Variants in DNAJB12 observed in about 807,000 individuals in gnomAD.
DNAJB12 encodes the protein dnaJ homolog subfamily B member 12.
A neutral mutation model predicts 40.6 loss-of-function variants in DNAJB12; 14 were observed. The observed-to-expected ratio is 0.34, with a 90% CI of 0.23 to 0.54. The LOEUF (loss-of-function observed/expected upper bound fraction) is 0.54. DNAJB12 is among the 20% of genes least tolerant of loss of function. The pLI, the probability that DNAJB12 is intolerant of heterozygous loss-of-function variation, is 0.92. For synonymous variants in DNAJB12, 181 were observed against 199.5 expected, an observed-to-expected ratio of 0.91 and a Z score of 0.78; for missense variants, 444 against 501.7, an observed-to-expected ratio of 0.89 and a Z score of 1.10.
In DNAJB12 at chr10:72,334,390, G is replaced by C; in HGVS notation, c.*258C>G. ...GGTTTCTGTATCCTAGGAGAGAGGC[G>C]ATGCGGAGCCTCCGCCAGCCCTGCG... On this transcript the variant is annotated 3_prime_UTR_variant, in exon 9 of 9. Coordinates refer to ENST00000444643, the MANE Select transcript of DNAJB12 (RefSeq NM_017626.7). The C allele has an allele frequency of 3.1e-6, 2 of 651,052 alleles. No individual in the cohort carries two copies. The highest frequency in any genetic ancestry group is 2.8e-5 in the Admixed American group (1 of 35,164). 40.3% of individuals were successfully genotyped at this position (651,052 alleles called of 1,614,324 possible).
At chr10:72,347,994 C>A (rs962558952) in intron 1 of DNAJB12, among the ~76,000 whole-genome samples, 1 of 150,706 alleles carries the variant, frequency 6.6e-6, no homozygotes, top group South Asian at 2.1e-4. Flanking sequence ...GAGGCTGAGG[C>A]GGGCAGATCG....
At position 72,335,362 on chromosome 10, in the gene DNAJB12, G is replaced by C; in HGVS notation, c.*30+418C>G. On this transcript the variant is annotated intron_variant, in intron 8 of 8. Transcript: ENST00000444643. The surrounding 1 kb of genome is among the most constrained non-coding windows in gnomAD (Gnocchi z 4.4). Reference sequence around the variant, plus strand: ...GTATCAGGCAGGCAGTGTGCATATGGGGCTCTCTTGGGCCCCACCATATGT... The same window carrying C: ...GTATCAGGCAGGCAGTGTGCATATGCGGCTCTCTTGGGCCCCACCATATGT... 2 of 997,094 alleles carry C rather than the reference G, an allele frequency of 2.0e-6. No homozygotes were observed. Among genetic ancestry groups the C allele is most frequent in the Non-Finnish European group, 2.4e-6 (2 of 836,356 alleles). The allele number at this position is 997,094 out of a possible 1,614,324, so 61.8% of individuals were successfully genotyped here.
chr10:72,334,728 C>G (rs1011463472), intron 8 of DNAJB12, 111 bp from the exon 9 acceptor site: 9 of 1,413,498 alleles, frequency 6.4e-6, no homozygotes, highest in African/African-American at 1.5e-5. Flanking sequence ...CCGTGCTGCC[C>G]GCTCGACCCC....
chr10:72,335,316 A>G lies in DNAJB12; in HGVS notation c.*30+464T>C, dbSNP rs1861439730. The stretch of plus-strand genomic sequence containing the variant: ...AAAGGGGAGGGCTCTTGGCCCACCT[A>G]TTCCCACATGGTTCTTCCTGGTATC... On this transcript the variant is annotated intron_variant, in intron 8 of 8. Coordinates refer to ENST00000444643, the MANE Select transcript of DNAJB12 (RefSeq NM_017626.7). The surrounding 1 kb of genome is among the most constrained non-coding windows in gnomAD (Gnocchi z 4.4). 1.0e-6 allele frequency: 1 copy of G among 988,238 alleles called. No homozygotes were observed. The highest frequency in any genetic ancestry group is 1.2e-6 in the Non-Finnish European group (1 of 831,538). The allele number at this position is 988,238 out of a possible 1,614,324, so 61.2% of individuals were successfully genotyped here.
Position 72,336,600 on chromosome 10 carries a change from G to A in DNAJB12, c.930C>T (p.Leu310=), listed in dbSNP as rs777668529. The A allele has an allele frequency of 1.2e-6, 2 of 1,614,036 alleles. No individual in the cohort carries two copies. The highest frequency in any genetic ancestry group is 1.7e-6 in the Non-Finnish European group (2 of 1,180,014). ...CTTCCACATTCCGCTCGACTGTTTTGAGGCTGGAGCCTGTGTACTCTTCGG... is the reference window on the plus strand; with the variant it reads ...CTTCCACATTCCGCTCGACTGTTTTAAGGCTGGAGCCTGTGTACTCTTCGG... The part of the protein sequence containing the change: ...TFSEEYTGSS[L]KTVERNVEDD... Residue 310 remains leucine (L), a synonymous_variant, in exon 7 of 9, where the codon CTC becomes CTT. Transcript: ENST00000444643.
Position 72,334,372 on chromosome 10 carries a change from G to A in DNAJB12, c.*276C>T. 1.7e-6 allele frequency: 1 copy of A among 582,524 alleles called. No individual in the cohort carries two copies. Among genetic ancestry groups the A allele is most frequent in the Non-Finnish European group, 3.0e-6 (1 of 338,652 alleles). The allele number at this position is 582,524 out of a possible 1,614,324, so 36.1% of individuals were successfully genotyped here. ...TTCTACTTTCGTTGCCATGGTTTCT[G>A]TATCCTAGGAGAGAGGCGATGCGGA... On this transcript the variant is annotated 3_prime_UTR_variant, in exon 9 of 9. Transcript: ENST00000444643.
Position 72,343,354 on chromosome 10 carries a change from G to C in DNAJB12, c.457+12C>G, listed in dbSNP as rs1361850079. 1.2e-6 allele frequency: 2 copies of C among 1,611,184 alleles called. No individual in the cohort carries two copies. The highest frequency in any genetic ancestry group is 1.7e-5 in the Admixed American group (1 of 59,664). ...AACACACCAAAATGCTAGGAAAGCA[G>C]GGCTGGCTTACCTTTGAAGGCTTCA... On this transcript the variant is annotated intron_variant, in intron 3 of 8. Transcript: ENST00000444643.
Position 72,333,072 on chromosome 10 carries a change from G to C in DNAJB12, c.*1576C>G, listed in dbSNP as rs2131971376. ...TCTGGGCTGAAGTGGCTGCTTCATT[G>C]CAGGGTTGGACCTTGTTTAAAAACC... On this transcript the variant is annotated 3_prime_UTR_variant, in exon 9 of 9. Coordinates refer to ENST00000444643, the MANE Select transcript of DNAJB12 (RefSeq NM_017626.7). 1 of 152,658 alleles carries C rather than the reference G, an allele frequency of 6.6e-6. No individual in the cohort carries two copies. The allele number at this position is 152,658 out of a possible 1,614,324, so 9.5% of individuals were successfully genotyped here.
At chr10:72,348,764 T>C (rs1211729841) in intron 1 of DNAJB12, among the ~76,000 whole-genome samples, 1 of 152,246 alleles carries the variant, frequency 6.6e-6, no homozygotes, top group Non-Finnish European at 1.5e-5. Flanking sequence ...GAGAGGGTGC[T>C]TGGGGAGGAA....
intron 6 of DNAJB12, 147 bp downstream of exon 6, chr10:72,338,055 G>C: frequency 1.5e-6 from 1 of 649,578 alleles, no homozygotes; most frequent in Non-Finnish European, 2.7e-6. Context: ...TAGTTGAATA[G>C]AGAAAGTATA....
intron 5 of DNAJB12, among the ~76,000 whole-genome samples, chr10:72,340,176 C>G (rs1363976658): frequency 1.3e-5 from 2 of 151,880 alleles, no homozygotes; most frequent in Non-Finnish European, 2.9e-5. Flanking sequence ...GAAACCCCAT[C>G]TCTACTAAAA....
intron 3 of DNAJB12, 87 bp from the exon 4 acceptor site, chr10:72,341,257 G>C: frequency 7.5e-7 from 1 of 1,338,814 alleles, no homozygotes; most frequent in Non-Finnish European, 1.0e-6. Context: ...CTTTTCTCAG[G>C]TACTCAAGCA....
At position 72,334,222 on chromosome 10, in the gene DNAJB12, T is replaced by C; in HGVS notation, c.*426A>G. On this transcript the variant is annotated 3_prime_UTR_variant, in exon 9 of 9. Transcript: ENST00000444643. ...TATGGAGAGTTCTCTTTCTTCCTCC[T>C]ATCTTTGGCCAGGGCCTCTGGCTTC... is the stretch of plus-strand genomic sequence containing the variant. 3.0e-6 allele frequency: 1 copy of C among 337,728 alleles called. No homozygotes were observed. Among genetic ancestry groups the C allele is most frequent in the South Asian group, 3.1e-5 (1 of 32,506 alleles). The allele number at this position is 337,728 out of a possible 1,614,324, so 20.9% of individuals were successfully genotyped here.
intron 1 of DNAJB12, among the ~76,000 whole-genome samples, chr10:72,352,001 T>G (rs1230916718): frequency 6.6e-6 from 1 of 152,180 alleles, no homozygotes; most frequent in African/African-American, 2.4e-5. Context: ...GCCTGGTGCC[T>G]CTTTTCCAGG....
chr10:72,340,907 TG>T, intron 4 of DNAJB12, 39 bp from the exon 5 acceptor site: 1 of 1,611,324 alleles, frequency 6.2e-7, no homozygotes, highest in Non-Finnish European at 8.5e-7. Context: ...CCAGGTCTGT[TG>T]GGAAAGGGAG....
Position 72,349,487 on chromosome 10 carries a change from C to T in DNAJB12, c.134-4360G>A, listed in dbSNP as rs749969249. Among the ~76,000 whole-genome samples the T allele has an allele frequency of 5.9e-5, 9 of 152,244 alleles. No individual in the cohort carries two copies. In the East Asian group the frequency reaches 1.4e-3, roughly 23 times the overall value. On this transcript the variant is annotated intron_variant, in intron 1 of 8. Coordinates refer to ENST00000444643, the MANE Select transcript of DNAJB12 (RefSeq NM_017626.7). ...CTACCAAGGGGATGGCAAGAGAAAC[C>T]GAAAGATGAAGAGATATTGGTCAAG...
At chr10:72,347,356 G>A (rs777096911) in intron 1 of DNAJB12, among the ~76,000 whole-genome samples, 2 of 152,190 alleles carry the variant, frequency 1.3e-5, no homozygotes, top group Admixed American at 6.5e-5. Context: ...AGGGGACCCC[G>A]CTTAGCAGGA....
At chr10:72,338,359 G>A (rs1311092394) in intron 5 of DNAJB12, 48 bp from the exon 6 acceptor site, 2 of 1,539,886 alleles carry the variant, frequency 1.3e-6, no homozygotes, top group East Asian at 2.3e-5. Context: ...GTGGGGTGTG[G>A]TGTCAGCCAT....
At position 72,341,027 on chromosome 10, in the gene DNAJB12, C is replaced by T; in HGVS notation, c.601G>A (p.Glu201Lys). Residue 201 changes from glutamate (E) to lysine (K), a missense_variant, in exon 4 of 9, where the codon GAA becomes AAA. By Grantham distance (56) the Glu-to-Lys change is moderately conservative (BLOSUM62 1). Transcript: ENST00000444643. ...HRGFEADISP[E>K]DLFNMFFGGG... ...CCAAAGAACATGTTGAAGAGGTCTTCAGGGGAGATGTCGGCCTCAAAGCCA... is the reference window on the plus strand; with the variant it reads ...CCAAAGAACATGTTGAAGAGGTCTTTAGGGGAGATGTCGGCCTCAAAGCCA... 6.2e-7 allele frequency: 1 copy of T among 1,614,108 alleles called. No individual in the cohort carries two copies. The highest frequency in any genetic ancestry group is 1.1e-5 in the South Asian group (1 of 91,064).
Sources: gnomAD v4.1 joint callset for allele counts (sites outside exome capture counted in the v4.1 genomes callset) on GRCh38, gnomAD v4.1.1 for gene constraint, Gnocchi (gnomAD v3.1) non-coding constraint, MANE v1.5 for transcripts, NCBI Gene and HGNC (gene_info 2026-07-23, HGNC 2026-07-21) for gene names.